SNRPB: variants seen among roughly 807,000 people sequenced by gnomAD.
The protein encoded by SNRPB is small nuclear ribonucleoprotein polypeptides B and B1, also known as small nuclear ribonucleoprotein-associated proteins B and B'.
A neutral mutation model predicts 26.6 loss-of-function variants in SNRPB; 5 were observed. That is an observed-to-expected ratio of 0.19 (90% CI 0.10 to 0.39). The LOEUF (loss-of-function observed/expected upper bound fraction) is 0.39, where lower values mean the gene tolerates loss of function less well. SNRPB is among the 10% of genes least tolerant of loss of function. The pLI, the probability that SNRPB is intolerant of heterozygous loss-of-function variation, is 1.00. For missense variants in SNRPB, 211 were observed against 311.9 expected, an observed-to-expected ratio of 0.68 and a Z score of 2.44; for synonymous variants, 122 against 105.8, an observed-to-expected ratio of 1.15 and a Z score of -0.94.
intron 1 of SNRPB, 113 bp downstream of exon 1, chr20:2,470,575 G>C (rs2085107406): frequency 7.4e-7 from 1 of 1,354,892 alleles, no homozygotes; most frequent in Non-Finnish European, 1.0e-6. Context: ...CCTCGGCCCA[G>C]GCCTTCACCG....
chr20:2,467,860 C>A, intron 1 of SNRPB, 102 bp from the exon 2 acceptor site: 1 of 1,090,818 alleles, frequency 9.2e-7, no homozygotes, highest in South Asian at 1.5e-5. Context: ...ATGTGTCCAA[C>A]TTTCTCAACA....
At chr20:2,470,208 G>A (rs1184842726) in intron 1 of SNRPB, among the ~76,000 whole-genome samples, 2 of 152,118 alleles carry the variant, frequency 1.3e-5, no homozygotes, top group Non-Finnish European at 2.9e-5. Flanking sequence ...ACCCTCCTCC[G>A]CCCTCCTCTC....
chr20:2,469,374 A>T (rs1416988474), intron 1 of SNRPB, among the ~76,000 whole-genome samples: 1 of 152,136 alleles, frequency 6.6e-6, no homozygotes, highest in Non-Finnish European at 1.5e-5. Flanking sequence ...AACACCACTA[A>T]GCTTATGTCA....
In SNRPB at chr20:2,466,012, C is replaced by T. The variant is rs556337678; in HGVS notation, c.156-193G>A. On this transcript the variant is annotated intron_variant, in intron 2 of 6. Transcript: ENST00000381342. ...AGGTGGCTATCTACCTGTTTCCTAC[C>T]ATGCCAAGAGGACACACTGACCAAG... is the stretch of plus-strand genomic sequence containing the variant. Among the ~76,000 whole-genome samples the T allele has an allele frequency of 5.3e-5, 8 of 152,166 alleles. No homozygotes were observed. The South Asian group carries it at 1.7e-3, about 32-fold the overall frequency.
rs761507316 is a variant in SNRPB at position 2,470,716 on chromosome 20, C to T, written c.-26G>A. On this transcript the variant is annotated 5_prime_UTR_variant, in exon 1 of 7. Coordinates refer to ENST00000381342, the MANE Select transcript of SNRPB (RefSeq NM_003091.4). ...GGTGGCGGTTCTGATGGCTCTGATACCCGCCGGATTCGCCTCCTCAGAGGC... is the reference window on the plus strand; with the variant it reads ...GGTGGCGGTTCTGATGGCTCTGATATCCGCCGGATTCGCCTCCTCAGAGGC... 1.2e-6 allele frequency: 2 copies of T among 1,612,682 alleles called. No individual in the cohort carries two copies. The highest frequency in any genetic ancestry group is 2.2e-5 in the East Asian group (1 of 44,900).
Position 2,467,464 on chromosome 20 carries a change from A to G in SNRPB, c.155+143T>C, listed in dbSNP as rs561017177. The G allele has an allele frequency of 7.5e-5, 55 of 733,174 alleles. No homozygotes were observed. In the East Asian group the frequency reaches 1.4e-3, roughly 19 times the overall value. 45.4% of individuals were successfully genotyped at this position (733,174 alleles called of 1,614,324 possible). On this transcript the variant is annotated intron_variant, in intron 2 of 6. Coordinates refer to ENST00000381342, the MANE Select transcript of SNRPB (RefSeq NM_003091.4). Reference sequence around the variant, plus strand: ...ACTCAAAAAGATTTCTTAGCGTTCAATGTCCCCATTTAAGTCTGCCCTCTA... The same window carrying G: ...ACTCAAAAAGATTTCTTAGCGTTCAGTGTCCCCATTTAAGTCTGCCCTCTA...
chr20:2,469,728 A>G (rs553192184), intron 1 of SNRPB, among the ~76,000 whole-genome samples: 5 of 152,248 alleles, frequency 3.3e-5, no homozygotes, highest in East Asian at 1.9e-4. Flanking sequence ...AAATCCTTCA[A>G]TGACATGCCT....
At chr20:2,462,072 T>C in intron 6 of SNRPB, 133 bp from the exon 7 acceptor site, 2 of 645,470 alleles carry the variant, frequency 3.1e-6, no homozygotes, top group Non-Finnish European at 5.6e-6. Context: ...AACTAGGGAC[T>C]ACTCTGAGGC....
rs2085109340 is a variant in SNRPB, at chr20:2,470,752, T to G, written c.-62A>C. On this transcript the variant is annotated 5_prime_UTR_variant, in exon 1 of 7. Transcript: ENST00000381342. ...CGCCTCCTCAGAGGCCTAGCCTCTCTCCCACAGCCGATTTCCCGCCGCCGC... is the reference window on the plus strand; with the variant it reads ...CGCCTCCTCAGAGGCCTAGCCTCTCGCCCACAGCCGATTTCCCGCCGCCGC... The G allele has an allele frequency of 3.1e-5, 49 of 1,598,770 alleles. No homozygotes were observed. Among genetic ancestry groups the G allele is most frequent in the Non-Finnish European group, 4.2e-5 (49 of 1,170,134 alleles).
rs776364274 is a variant in SNRPB at position 2,463,116 on chromosome 20, G to A, written c.532C>T (p.Pro178Ser). 1.9e-6 allele frequency: 3 copies of A among 1,600,360 alleles called. No individual in the cohort carries two copies. Among genetic ancestry groups the A allele is most frequent in the South Asian group, 1.1e-5 (1 of 89,360 alleles). Residue 178 changes from proline (P) to serine (S), a missense_variant, in exon 5 of 7, where the codon CCT becomes TCT. Coordinates refer to ENST00000381342, the MANE Select transcript of SNRPB (RefSeq NM_003091.4). The surrounding 1 kb of genome is among the most constrained non-coding windows in gnomAD (Gnocchi z 5.0). ...YPPGRGGPPP[P>S]MGRGAPPPGM... is the part of the protein sequence containing the mutation. ...GGAGGGGGTGCTCCTCGGCCCATAG[G>A]TGGGGGAGGACCCCCACGGCCAGGT... is the stretch of plus-strand genomic sequence containing the variant.
At chr20:2,462,251 T>C (rs1486512891) in intron 6 of SNRPB, among the ~76,000 whole-genome samples, 4 of 151,678 alleles carry the variant, frequency 2.6e-5, no homozygotes, top group Admixed American at 6.5e-5. Flanking sequence ...GATCTCAGAA[T>C]TTCTCCAACT....
chr20:2,461,932 A>G lies in SNRPB; in HGVS notation c.693T>C (p.Leu231=). 6.2e-7 allele frequency: 1 copy of G among 1,612,314 alleles called. No homozygotes were observed. Among genetic ancestry groups the G allele is most frequent in the Non-Finnish European group, 8.5e-7 (1 of 1,179,400 alleles). The change falls in exon 7 of 7, where the codon CTT becomes CTC. Residue 231 remains leucine, a synonymous_variant. Coordinates refer to ENST00000381342, the MANE Select transcript of SNRPB (RefSeq NM_003091.4). ...RPPPPGMRGL[L] is the part of the protein sequence containing the mutation. ...TTCCATACTCTGTGGCCAAGGGTCA[A>G]AGAAGGCCTGAAGTAAGAGTAAGAA...
rs1221097994 is a variant in SNRPB, at chr20:2,463,322, A to G, written c.421-95T>C. 2 of 933,926 alleles carry G rather than the reference A, an allele frequency of 2.1e-6. No individual in the cohort carries two copies. The highest frequency in any genetic ancestry group is 1.8e-6 in the Non-Finnish European group (1 of 570,556). 57.9% of individuals were successfully genotyped at this position (933,926 alleles called of 1,614,324 possible). On this transcript the variant is annotated intron_variant, in intron 4 of 6. Transcript: ENST00000381342. The surrounding 1 kb of genome is among the most constrained non-coding windows in gnomAD (Gnocchi z 5.0). ...TTGGGGAAGGACAGTGGGAAATAAC[A>G]GACACCAAATCCCTTAATGCTACAA...
chr20:2,465,087 TTATCTC>T (rs2085063379), intron 3 of SNRPB, among the ~76,000 whole-genome samples: 1 of 152,240 alleles, frequency 6.6e-6, no homozygotes, highest in African/African-American at 2.4e-5. Flanking sequence ...AGATGAGAAT[TTATCTC>T]TAAAGAGACC....
intron 6 of SNRPB, 99 bp downstream of exon 6, chr20:2,462,537 G>C (rs1268141393): frequency 3.7e-6 from 4 of 1,077,272 alleles, no homozygotes; most frequent in East Asian, 2.4e-5. Flanking sequence ...TTTAAGGCTT[G>C]AAAGCCCATG....
Position 2,467,671 on chromosome 20 carries a change from A to G in SNRPB, c.91T>C (p.Phe31Leu), listed in dbSNP as rs988462835. Residue 31 changes from phenylalanine to leucine, a missense_variant, in exon 2 of 7, where the codon TTC (phenylalanine) becomes CTC (leucine). Phe to Leu is a conservative substitution (Grantham distance 22). Transcript: ENST00000381342. ...TTCATGTGCTTGTCAAAAGCCTTGAAGGTGCCAATGAAGATCCGGCCGTCC... is the reference window on the plus strand; with the variant it reads ...TTCATGTGCTTGTCAAAAGCCTTGAGGGTGCCAATGAAGATCCGGCCGTCC... ...LQDGRIFIGT[F>L]KAFDKHMNLI... 6.2e-7 allele frequency: 1 copy of G among 1,614,222 alleles called. No individual in the cohort carries two copies. Among genetic ancestry groups the G allele is most frequent in the Non-Finnish European group, 8.5e-7 (1 of 1,180,042 alleles).
Position 2,463,095 on chromosome 20 carries a change from G to C in SNRPB, c.553C>G (p.Pro185Ala), listed in dbSNP as rs772106010. The change falls in exon 5 of 7, where the codon CCT becomes GCT. Residue 185 changes from proline (P) to alanine (A), a missense_variant. Pro to Ala is a conservative substitution (Grantham distance 27, BLOSUM62 -1). Transcript: ENST00000381342. This position sits in a 1 kb window ranked among gnomAD's most constrained non-coding sequence, Gnocchi z 5.0. The stretch of plus-strand genomic sequence containing the variant: ...CTCCTTATGGGCTCCTCACCTGGAG[G>C]GGGTGCTCCTCGGCCCATAGGTGGG... ...PPPPMGRGAP[P>A]PGMMGPPPGM... The C allele has an allele frequency of 1.9e-6, 3 of 1,566,542 alleles. No homozygotes were observed. The highest frequency in any genetic ancestry group is 2.6e-6 in the Non-Finnish European group (3 of 1,159,232).
intron 2 of SNRPB, chr20:2,467,394 C>A: frequency 1.5e-6 from 1 of 646,386 alleles, no homozygotes; most frequent in Non-Finnish European, 2.8e-6. Context: ...CCTAGCAGCC[C>A]TTCACAACTT....
In SNRPB at chr20:2,461,724, C is replaced by A. The variant is rs1278504780; in HGVS notation, c.*205G>T. 2.0e-6 allele frequency: 3 copies of A among 1,521,454 alleles called. No homozygotes were observed. Among genetic ancestry groups the A allele is most frequent in the East Asian group, 2.3e-5 (1 of 44,024 alleles). 94.2% of individuals were successfully genotyped at this position (1,521,454 alleles called of 1,614,324 possible). On this transcript the variant is annotated 3_prime_UTR_variant, in exon 7 of 7. Coordinates refer to ENST00000381342, the MANE Select transcript of SNRPB (RefSeq NM_003091.4). ...GGACTATGTACAGCCTTACGGGAAA[C>A]AGGCAGGGAGCTGAGGAGGGCCAAG...
Sources: gnomAD v4.1 joint callset for allele counts (sites outside exome capture counted in the v4.1 genomes callset) on GRCh38, gnomAD v4.1.1 for gene constraint, Gnocchi (gnomAD v3.1) non-coding constraint, MANE v1.5 for transcripts, NCBI Gene and HGNC (gene_info 2026-07-23, HGNC 2026-07-21) for gene names.